FAM81A: variants seen among roughly 807,000 people sequenced by gnomAD.
The protein encoded by FAM81A is protein FAM81A.
FAM81A carries 19 observed loss-of-function variants against 46.7 expected under a neutral mutation model. The ratio of observed to expected loss-of-function variants is 0.41; its 90% CI spans 0.28 to 0.60. The LOEUF is 0.60. FAM81A is among the 20% of genes least tolerant of loss of function. The pLI is 0.34. For synonymous variants in FAM81A, 183 were observed against 152.9 expected (o/e 1.20, Z -1.45); for missense variants, 377 against 453.5 (o/e 0.83, Z 1.53).
intron 2 of FAM81A, among the ~76,000 whole-genome samples, chr15:59,409,841 G>A (rs1382381529): frequency 2.0e-5 from 3 of 151,980 alleles, no homozygotes; most frequent in African/African-American, 7.3e-5. Flanking sequence ...TTTTGTTATA[G>A]AACAGAAATT....
chr15:59,402,788 A>C (rs2081077770), intron 2 of FAM81A, among the ~76,000 whole-genome samples: 1 of 152,106 alleles, frequency 6.6e-6, no homozygotes. Flanking sequence ...TCCTGGCCTC[A>C]AGTGATCCAC....
At chr15:59,503,233 C>CAAAAAAAAAAAAAAA (rs769759845) in intron 4 of FAM81A, among the ~76,000 whole-genome samples, 1 of 35,344 alleles carries the variant, frequency 2.8e-5, no homozygotes, top group African/African-American at 1.2e-4. Flanking sequence ...GAGACTGTCT[C>CAAAAAAAAAAAAAAA]AAAAAAAAAA....
chr15:59,488,677 T>A (rs966049755), intron 3 of FAM81A, among the ~76,000 whole-genome samples: 6 of 152,204 alleles, frequency 3.9e-5, no homozygotes, highest in Non-Finnish European at 8.8e-5. Context: ...CCAATTGCTG[T>A]AAATAAAATT....
intron 3 of FAM81A, among the ~76,000 whole-genome samples, chr15:59,489,540 G>C (rs900211111): frequency 4.0e-5 from 6 of 151,096 alleles, no homozygotes; most frequent in African/African-American, 1.5e-4. Flanking sequence ...ATTCTTCACA[G>C]AAATAGAAAA....
In FAM81A at chr15:59,430,139, C is replaced by T. The variant is rs1227336876; in HGVS notation, c.-78+27781C>T. Among the ~76,000 whole-genome samples, 3 of 152,098 alleles carry T rather than the reference C, an allele frequency of 2.0e-5. No homozygotes were observed. In the East Asian group the frequency reaches 5.8e-4, roughly 29 times the overall value. The stretch of plus-strand genomic sequence containing the variant: ...TCAGCCATTGCCAGCCACATTTATC[C>T]TCAGAGATTTTCACTGGGAGAAAGA... On this transcript the variant is annotated intron_variant, in intron 2 of 4. Transcript: ENST00000558348.
rs1567078419 is a variant in FAM81A, at chr15:59,514,363, G to A, written c.725G>A (p.Arg242Gln). ...AGTTGGTTGCAACAGGAACAAGAAC[G>A]GATAGAAAAAGAGCTTTTACAGAAA... ...ARSWLQQEQE[R>Q]IEKELLQKID... Residue 242 changes from arginine to glutamine, a missense_variant, in exon 7 of 9, where the codon CGG (arginine) becomes CAG (glutamine). By Grantham distance (43) the Arg-to-Gln change is conservative (BLOSUM62 1). Coordinates refer to ENST00000288228, the MANE Select transcript of FAM81A (RefSeq NM_152450.3). The A allele has an allele frequency of 6.2e-7, 1 of 1,613,492 alleles. No homozygotes were observed. Among genetic ancestry groups the A allele is most frequent in the Non-Finnish European group, 8.5e-7 (1 of 1,179,698 alleles).
intron 2 of FAM81A, among the ~76,000 whole-genome samples, chr15:59,404,645 T>C (rs1292096901): frequency 6.6e-6 from 1 of 152,128 alleles, no homozygotes; most frequent in Non-Finnish European, 1.5e-5. Context: ...TTTGTAGAGA[T>C]GGAGTCTCAC....
intron 1 of FAM81A, among the ~76,000 whole-genome samples, chr15:59,439,472 TTA>T (rs2081274127): frequency 6.6e-6 from 1 of 152,060 alleles, no homozygotes; most frequent in Non-Finnish European, 1.5e-5. Flanking sequence ...AAAAGGACAC[TTA>T]GGCCCCCTTC....
chr15:59,465,481 T>G (rs1596493694), intron 3 of FAM81A, among the ~76,000 whole-genome samples: 1 of 152,054 alleles, frequency 6.6e-6, no homozygotes, highest in Admixed American at 6.6e-5. Context: ...CCATGTTGGC[T>G]AGGCTGGTCT....
chr15:59,509,272 C>T (rs1018290033), intron 6 of FAM81A, among the ~76,000 whole-genome samples: 15 of 152,120 alleles, frequency 9.9e-5, no homozygotes, highest in Non-Finnish European at 1.9e-4. Context: ...GGAGTTTAGT[C>T]TGGGGAGCTG....
At chr15:59,510,327 C>G (rs2082192415) in intron 6 of FAM81A, among the ~76,000 whole-genome samples, 1 of 151,092 alleles carries the variant, frequency 6.6e-6, no homozygotes, top group South Asian at 2.1e-4. Context: ...CGAGATCACA[C>G]CACTGCACTC....
At chr15:59,508,091 A>G (rs752862845) in intron 5 of FAM81A, among the ~76,000 whole-genome samples, 32 of 152,260 alleles carry the variant, frequency 2.1e-4, no homozygotes, top group Non-Finnish European at 3.1e-4. Flanking sequence ...TTATAAAACT[A>G]TGAAAAAGAA....
intron 1 of FAM81A, among the ~76,000 whole-genome samples, chr15:59,444,685 C>G (rs1284201306): frequency 2.0e-5 from 3 of 152,102 alleles, no homozygotes; most frequent in Non-Finnish European, 4.4e-5. Context: ...TCTCTCCTCC[C>G]GTATTTCACT....
At chr15:59,487,249 G>A (rs1596518883) in intron 3 of FAM81A, among the ~76,000 whole-genome samples, 1 of 143,010 alleles carries the variant, frequency 7.0e-6, no homozygotes, top group East Asian at 2.0e-4. Context: ...ATATATATTA[G>A]TATAGAGTTT....
chr15:59,509,792 T>A (rs374642244), intron 6 of FAM81A, among the ~76,000 whole-genome samples: 48 of 152,004 alleles, frequency 3.2e-4, no homozygotes, highest in African/African-American at 1.1e-3. Context: ...GTGGGAGGAA[T>A]GTGACATGCA....
intron 2 of FAM81A, among the ~76,000 whole-genome samples, chr15:59,428,527 A>G (rs941835955): frequency 2.0e-5 from 3 of 149,304 alleles, no homozygotes; most frequent in African/African-American, 7.4e-5. Context: ...CTCAGGCCTC[A>G]GCCTCCCCAG....
chr15:59,417,748 GA>G (rs1377644019), intron 2 of FAM81A, among the ~76,000 whole-genome samples: 5 of 151,826 alleles, frequency 3.3e-5, no homozygotes, highest in Non-Finnish European at 5.9e-5. Context: ...AAAATAAAAA[GA>G]TTTTTTTTGC....
intron 4 of FAM81A, among the ~76,000 whole-genome samples, chr15:59,493,952 A>G (rs1259843135): frequency 6.6e-6 from 1 of 152,042 alleles, no homozygotes; most frequent in Non-Finnish European, 1.5e-5. Context: ...CCCCTCTGGG[A>G]GTCTTCCCTG....
chr15:59,508,871 G>A lies in FAM81A; in HGVS notation c.552G>A (p.Gln184=). 6.2e-7 allele frequency: 1 copy of A among 1,611,268 alleles called. No individual in the cohort carries two copies. The highest frequency in any genetic ancestry group is 8.5e-7 in the Non-Finnish European group (1 of 1,178,676). The part of the protein sequence containing the change: ...KIKDAEGQIS[Q]LLNRVDLSIS... ...CAAGATTTCTTTTCCAGATTTCTCA[G>A]CTTTTGAACAGAGTGGACTTGTCAA... Residue 184 remains glutamine, a synonymous_variant, in exon 6 of 9, where the codon CAG becomes CAA. Coordinates refer to ENST00000288228, the MANE Select transcript of FAM81A (RefSeq NM_152450.3).
Sources: gnomAD v4.1 joint callset for allele counts (sites outside exome capture counted in the v4.1 genomes callset) on GRCh38, gnomAD v4.1.1 for gene constraint, MANE v1.5 for transcripts, NCBI Gene and HGNC (gene_info 2026-07-23, HGNC 2026-07-21) for gene names.